SDK1: variants seen among roughly 807,000 people sequenced by gnomAD.
The protein encoded by SDK1 is protein sidekick-1.
A neutral mutation model predicts 245.5 loss-of-function variants in SDK1; 157 were observed. The ratio of observed to expected loss-of-function variants is 0.64; its 90% CI spans 0.56 to 0.73. SDK1 has a LOEUF of 0.73. Among genes scored for constraint, SDK1 ranks in the 30% least tolerant of loss-of-function variants. The probability of loss-of-function intolerance (pLI) is 0.00; values close to 1 mark genes in which losing one functional copy is unlikely to be tolerated. For missense variants in SDK1, 3,583 were observed against 3,002.3 expected (o/e 1.19, Z -4.52); for synonymous variants, 1,647 against 1,278.5 (o/e 1.29, Z -6.15).
chr7:3,619,712 A>G (rs1366803820), intron 2 of SDK1, among the ~76,000 whole-genome samples: 1 of 152,214 alleles, frequency 6.6e-6, no homozygotes, highest in African/African-American at 2.4e-5. Context: ...ATGGGCATGC[A>G]TACAGCCTGT....
chr7:3,853,838 A>T (rs1232901684), intron 5 of SDK1, among the ~76,000 whole-genome samples: 1 of 152,072 alleles, frequency 6.6e-6, no homozygotes, highest in East Asian at 1.9e-4. Flanking sequence ...AAAATACAAA[A>T]ATTAGCTAGG....
At chr7:4,027,916 T>C (rs1370644255) in intron 17 of SDK1, among the ~76,000 whole-genome samples, 1 of 150,284 alleles carries the variant, frequency 6.7e-6, no homozygotes, top group African/African-American at 2.5e-5. Flanking sequence ...TATCAACCAA[T>C]TAATTAGGAT....
At chr7:3,387,439 C>T (rs900760884) in intron 1 of SDK1, among the ~76,000 whole-genome samples, 7 of 152,186 alleles carry the variant, frequency 4.6e-5, no homozygotes, top group Non-Finnish European at 1.0e-4. Flanking sequence ...TTTTTGGCAA[C>T]TGGCACCAGC....
chr7:3,984,892 G>A (rs1783705288), intron 13 of SDK1, among the ~76,000 whole-genome samples: 4 of 152,166 alleles, frequency 2.6e-5, no homozygotes, highest in African/African-American at 9.7e-5. Context: ...GTCTCTCTGT[G>A]CAGGCCAGTG....
At chr7:3,454,385 G>A (rs1269408045) in intron 1 of SDK1, among the ~76,000 whole-genome samples, 1 of 64,426 alleles carries the variant, frequency 1.6e-5, no homozygotes, top group African/African-American at 5.3e-5. Flanking sequence ...TGTTCCCCAA[G>A]ATTTGTGTGT....
chr7:3,807,240 G>C (rs1240991644), intron 4 of SDK1, among the ~76,000 whole-genome samples: 1 of 152,156 alleles, frequency 6.6e-6, no homozygotes. Flanking sequence ...CTGCCTAGTG[G>C]AGAAGGTAAC....
At chr7:3,833,774 T>A (rs915336675) in intron 5 of SDK1, among the ~76,000 whole-genome samples, 2 of 152,246 alleles carry the variant, frequency 1.3e-5, no homozygotes, top group Non-Finnish European at 2.9e-5. Context: ...GTCTTTTGTT[T>A]CTTTGTTCAT....
Position 4,213,287 on chromosome 7 carries a change from C to A in SDK1, c.5539+3125C>A, listed in dbSNP as rs1235390949. Among the ~76,000 whole-genome samples the A allele has an allele frequency of 5.3e-5, 8 of 152,238 alleles. No individual in the cohort carries two copies. The South Asian group carries it at 1.7e-3, about 32-fold the overall frequency. On this transcript the variant is annotated intron_variant, in intron 38 of 44. Coordinates refer to ENST00000404826, the MANE Select transcript of SDK1 (RefSeq NM_152744.4). ...AATTAGCTGGGCATGGTGGCACGCA[C>A]CTGTAATCCCAGCTACTCCAGAGGC...
intron 35 of SDK1, among the ~76,000 whole-genome samples, chr7:4,189,967 TA>T (rs1352883082): frequency 6.6e-6 from 1 of 152,138 alleles, no homozygotes; most frequent in Non-Finnish European, 1.5e-5. Context: ...TCCAAGTTTT[TA>T]ATTACAGTTG....
chr7:3,839,810 G>GT (rs889470676), intron 5 of SDK1, among the ~76,000 whole-genome samples: 14 of 152,096 alleles, frequency 9.2e-5, no homozygotes, highest in African/African-American at 3.4e-4. Context: ...AATCAAACCA[G>GT]TTTTTTTAAC....
chr7:3,969,454 C>G, intron 11 of SDK1, 30 bp downstream of exon 11: 5 of 1,491,372 alleles, frequency 3.4e-6, no homozygotes, highest in Non-Finnish European at 3.6e-6. Flanking sequence ...CGTCGGCCTT[C>G]TGTTAGCCAC....
chr7:3,483,829 T>C (rs548161684), intron 1 of SDK1, among the ~76,000 whole-genome samples: 4 of 152,322 alleles, frequency 2.6e-5, no homozygotes, highest in African/African-American at 7.2e-5. Context: ...GGAACATTTC[T>C]TTTTTCTCCT....
chr7:3,700,517 C>T (rs1784710040), intron 4 of SDK1, among the ~76,000 whole-genome samples: 2 of 151,946 alleles, frequency 1.3e-5, no homozygotes, highest in Admixed American at 6.6e-5. Context: ...GGATATAATG[C>T]AATAATTAAA....
intron 1 of SDK1, among the ~76,000 whole-genome samples, chr7:3,617,718 C>T (rs975595688): frequency 1.3e-5 from 2 of 152,248 alleles, no homozygotes; most frequent in Middle Eastern, 3.4e-3. Context: ...TTTATTAGGA[C>T]CCCTCTCCCT....
Position 4,268,913 on chromosome 7 carries a change from A to C in SDK1, c.*3529A>C. On this transcript the variant is annotated 3_prime_UTR_variant, in exon 45 of 45. Transcript: ENST00000404826. ...GAAATTGTGCAGAAAAACAGATCTC[A>C]TTAAAAGAAAAAAAGAAACAACTTG... 8.2e-6 allele frequency: 3 copies of C among 366,836 alleles called. No individual in the cohort carries two copies. The highest frequency in any genetic ancestry group is 1.6e-5 in the Non-Finnish European group (3 of 187,544). 22.7% of individuals were successfully genotyped at this position (366,836 alleles called of 1,614,324 possible). A position where few individuals can be genotyped will look rare whatever the true frequency, so the allele number is the denominator to read the frequency against.
chr7:4,254,901 G>A (rs1787535092), intron 44 of SDK1, among the ~76,000 whole-genome samples: 1 of 151,208 alleles, frequency 6.6e-6, no homozygotes, highest in Non-Finnish European at 1.5e-5. Context: ...TTTTAGCTGG[G>A]CTCCCTTTGC....
intron 5 of SDK1, among the ~76,000 whole-genome samples, chr7:3,930,287 T>A (rs1011807083): frequency 6.6e-6 from 1 of 152,118 alleles, no homozygotes; most frequent in Non-Finnish European, 1.5e-5. Flanking sequence ...TTCGAATAAC[T>A]CAGAACTAGA....
At chr7:4,089,283 C>T (rs550349072) in intron 22 of SDK1, among the ~76,000 whole-genome samples, 98 of 152,336 alleles carry the variant, frequency 6.4e-4, no homozygotes, top group Middle Eastern at 6.8e-3. Context: ...AATCCTGCCA[C>T]ACGTTGTGGG....
At chr7:3,718,296 T>C (rs1349786371) in intron 4 of SDK1, among the ~76,000 whole-genome samples, 1 of 152,008 alleles carries the variant, frequency 6.6e-6, no homozygotes, top group Non-Finnish European at 1.5e-5. Context: ...GGCTCAGAAG[T>C]TGGAGACCAG....
Sources: gnomAD v4.1 joint callset for allele counts (sites outside exome capture counted in the v4.1 genomes callset) on GRCh38, gnomAD v4.1.1 for gene constraint, MANE v1.5 for transcripts, NCBI Gene and HGNC (gene_info 2026-07-23, HGNC 2026-07-21) for gene names.